Variants in PRAMEF14 observed in about 807,000 individuals in gnomAD.
The protein encoded by PRAMEF14 is PRAME family member 14.
A neutral mutation model predicts 38.3 loss-of-function variants in PRAMEF14; 24 were observed. The ratio of observed to expected loss-of-function variants is 0.63; its 90% CI spans 0.45 to 0.88. The LOEUF (loss-of-function observed/expected upper bound fraction) is 0.88. Among genes scored for constraint, PRAMEF14 ranks in the 40% least tolerant of loss-of-function variants. PRAMEF14 has a pLI of 0.00. For missense variants in PRAMEF14, 477 were observed against 570.8 expected (o/e 0.84, Z 1.67); for synonymous variants, 194 against 226.4 (o/e 0.86, Z 1.29).
chr1:13,344,965 G>C, intron 2 of PRAMEF14, 63 bp downstream of exon 2: 6 of 1,384,766 alleles, frequency 4.3e-6, no homozygotes, highest in Non-Finnish European at 6.0e-6. Flanking sequence ...TTCTCTGCCT[G>C]ACCCTGCTGT....
chr1:13,344,096 G>A lies in PRAMEF14; in HGVS notation c.808C>T (p.Gln270Ter). The stretch of plus-strand genomic sequence containing the variant: ...GTGATCAATTTTATTTTAAGCAACT[G>A]GAGGTGTTCCAGCCTGAGGAACACA... ...SSVFLRLEHL[Q>*]LLKIKLITFF... The change falls in exon 3 of 4, where the codon CAG (glutamine) becomes TAG (stop). Residue 270 changes from glutamine to a stop codon, truncating the protein, a stop_gained. Coordinates refer to ENST00000334600, the MANE Select transcript of PRAMEF14 (RefSeq NM_001024661.2). LOFTEE classifies it high-confidence loss of function. 1.2e-6 allele frequency: 2 copies of A among 1,608,382 alleles called. No homozygotes were observed. Among genetic ancestry groups the A allele is most frequent in the Non-Finnish European group, 1.7e-6 (2 of 1,178,400 alleles).
In PRAMEF14 at chr1:13,343,324, C is replaced by CT. The variant is rs1162125868; in HGVS notation, c.867-239dup. On this transcript the variant is annotated intron_variant, in intron 3 of 3. Transcript: ENST00000334600. ...TTCAAGGCCATAAAATCTCTAAAGC[C>CT]TTTTTTTTTTTTTTTTTCATCTTTT... 6.9e-3 allele frequency among the ~76,000 whole-genome samples: 876 copies of CT among 127,232 alleles called. 13 individuals carry two copies. The highest frequency in any genetic ancestry group is 0.029 in the Middle Eastern group (7 of 238). The allele number at this position is 127,232 out of a possible 152,430, so 83.5% of individuals were successfully genotyped here.
chr1:13,343,101 A>G lies in PRAMEF14; in HGVS notation c.867-15T>C, dbSNP rs1295570861. On this transcript the variant is annotated splice_polypyrimidine_tract_variant and intron_variant, in intron 3 of 3. Coordinates refer to ENST00000334600, the MANE Select transcript of PRAMEF14 (RefSeq NM_001024661.2). ...TCTGGAGGCACCTGTGGAGATCAAG[A>G]AGTTAGTTCTGGGCAATGGTACCAG... The G allele has an allele frequency of 6.2e-7, 1 of 1,607,242 alleles. No homozygotes were observed. The highest frequency in any genetic ancestry group is 8.5e-7 in the Non-Finnish European group (1 of 1,176,198).
chr1:13,343,584 C>A (rs1285668424), intron 3 of PRAMEF14: 1 of 1,313,398 alleles, frequency 7.6e-7, no homozygotes, highest in South Asian at 1.2e-5. Flanking sequence ...TCAAAACAAC[C>A]TTTTACAAAC....
At chr1:13,344,862 C>T in intron 2 of PRAMEF14, 166 bp downstream of exon 2, 1 of 868,890 alleles carries the variant, frequency 1.2e-6, no homozygotes, top group Non-Finnish European at 1.4e-6. Context: ...GTATGGTGAG[C>T]ACTCCTTTCT....
intron 1 of PRAMEF14, among the ~76,000 whole-genome samples, chr1:13,346,008 G>A (rs1188815866): frequency 6.7e-6 from 1 of 150,114 alleles, no homozygotes; most frequent in Non-Finnish European, 1.5e-5. Context: ...GGTCATGCAT[G>A]ACTGTAATCC....
At chr1:13,343,818 T>C (rs2100351853) in intron 3 of PRAMEF14, 3 of 1,480,398 alleles carry the variant, frequency 2.0e-6, no homozygotes, top group South Asian at 2.7e-5. Context: ...TGTCTCTCTC[T>C]AGCTTCTACC....
Position 13,345,458 on chromosome 1 carries a change from T to G in PRAMEF14, c.-25-119A>C, listed in dbSNP as rs1415392992. Reference sequence around the variant, plus strand: ...AGGAGGGAGGGGTCAAGGAGACCACTGGCTTATTAATTTTCATCCTTCATT... The same window carrying G: ...AGGAGGGAGGGGTCAAGGAGACCACGGGCTTATTAATTTTCATCCTTCATT... On this transcript the variant is annotated intron_variant, in intron 1 of 3. Coordinates refer to ENST00000334600, the MANE Select transcript of PRAMEF14 (RefSeq NM_001024661.2). 27 of 1,324,398 alleles carry G rather than the reference T, an allele frequency of 2.0e-5. No individual in the cohort carries two copies. The Middle Eastern group carries it at 8.2e-4, about 40-fold the overall frequency. The allele number at this position is 1,324,398 out of a possible 1,614,324, so 82.0% of individuals were successfully genotyped here.
chr1:13,345,638 C>A lies in PRAMEF14; in HGVS notation c.-25-299G>T, dbSNP rs1640392842. ...GACAGCCTCCATTCTCAGTTCACACCATAAACGTGCTGGGGGAACACTAAA... is the reference window on the plus strand; with the variant it reads ...GACAGCCTCCATTCTCAGTTCACACAATAAACGTGCTGGGGGAACACTAAA... On this transcript the variant is annotated intron_variant, in intron 1 of 3. Transcript: ENST00000334600. 1.0e-4 allele frequency among the ~76,000 whole-genome samples: 15 copies of A among 145,184 alleles called. No homozygotes were observed. In the South Asian group the frequency reaches 3.5e-3, roughly 34 times the overall value.
In PRAMEF14 at chr1:13,342,267, G is replaced by A; in HGVS notation, c.*261C>T. ...CTTCCTTTAAGTTGCATGTGGCCTG[G>A]ACACAGTCACTCATGCCAGTAATCC... is the stretch of plus-strand genomic sequence containing the variant. On this transcript the variant is annotated 3_prime_UTR_variant, in exon 4 of 4. Transcript: ENST00000334600. 1.7e-6 allele frequency: 1 copy of A among 595,660 alleles called. No individual in the cohort carries two copies. The highest frequency in any genetic ancestry group is 2.8e-6 in the Non-Finnish European group (1 of 360,978). 36.9% of individuals were successfully genotyped at this position (595,660 alleles called of 1,614,324 possible). A position where few individuals can be genotyped will look rare whatever the true frequency, so the allele number is the denominator to read the frequency against.
rs4083405 is a variant in PRAMEF14, at chr1:13,345,161, G to C, written c.154C>G (p.Leu52Val). ...GGCCAGGCCTGCACCATCACCGTCA[G>C]AGTCTGGAAGTGTCTCCTGCGGAAG... is the stretch of plus-strand genomic sequence containing the variant. Reference protein sequence around the residue: ...EAFRRRHFQTLTVMVQAWPFT... With the variant: ...EAFRRRHFQTVTVMVQAWPFT... The change falls in exon 2 of 4, where the codon CTG becomes GTG. Residue 52 changes from leucine to valine, a missense_variant. Around this residue, in one of 4 missense-constraint regions of PRAMEF14, gnomAD observed 58 missense variants for 119.9 expected, o/e 0.48. Transcript: ENST00000334600. 6.7e-3 allele frequency: 10,690 copies of C among 1,592,292 alleles called. 291 individuals are homozygous for C. Among genetic ancestry groups the C allele is most frequent in the South Asian group, 0.01 (922 of 89,760 alleles).
At chr1:13,346,304 T>A (rs1441850630) in intron 1 of PRAMEF14, among the ~76,000 whole-genome samples, 152 of 151,492 alleles carry the variant, frequency 1.0e-3, no homozygotes, top group African/African-American at 3.6e-3. Context: ...GGTCAGGAGT[T>A]TGAGGCCAGC....
intron 1 of PRAMEF14, 66 bp from the exon 2 acceptor site, chr1:13,345,405 T>A (rs1179346960): frequency 1.4e-6 from 2 of 1,432,150 alleles, no homozygotes; most frequent in East Asian, 2.5e-5. Context: ...CTTCTACTGG[T>A]ACCAGGAAGA....
At position 13,343,136 on chromosome 1, in the gene PRAMEF14, G is replaced by A. The variant is rs1256882841; in HGVS notation, c.867-50C>T. 5.9e-6 allele frequency: 9 copies of A among 1,530,208 alleles called. No homozygotes were observed. In the African/African-American group the frequency reaches 6.9e-5, roughly 12 times the overall value. 94.8% of individuals were successfully genotyped at this position (1,530,208 alleles called of 1,614,324 possible). A position where few individuals can be genotyped will look rare whatever the true frequency, so the allele number is the denominator to read the frequency against. On this transcript the variant is annotated intron_variant, in intron 3 of 3. Transcript: ENST00000334600. Reference sequence around the variant, plus strand: ...TGGGCAATGGTACCAGTTAGATGAAGGTAGTGCCTTCATCTAGGAAAATGC... The same window carrying A: ...TGGGCAATGGTACCAGTTAGATGAAAGTAGTGCCTTCATCTAGGAAAATGC...
At chr1:13,346,134 C>T (rs1640401172) in intron 1 of PRAMEF14, among the ~76,000 whole-genome samples, 2 of 150,338 alleles carry the variant, frequency 1.3e-5, no homozygotes, top group Admixed American at 1.3e-4. Flanking sequence ...GAGTACATCG[C>T]AGAAAAAAAA....
In PRAMEF14 at chr1:13,343,542, A is replaced by G. The variant is rs1553125435; in HGVS notation, c.867-456T>C. ...TCCCTCACCTCCATCCCAGAAGCAC[A>G]CATTTCCCATGTCAGTTACCTTTCC... On this transcript the variant is annotated intron_variant, in intron 3 of 3. Transcript: ENST00000334600. 1.0e-2 allele frequency: 12,846 copies of G among 1,290,348 alleles called. 1,093 individuals carry two copies. The African/African-American group carries it at 0.15, about 15-fold the overall frequency. 79.9% of individuals were successfully genotyped at this position (1,290,348 alleles called of 1,614,324 possible).
rs1439149622 is a variant in PRAMEF14, at chr1:13,344,221, A to G, written c.683T>C (p.Leu228Pro). The G allele has an allele frequency of 6.8e-6, 11 of 1,608,634 alleles. 1 individual carries two copies. The African/African-American group carries it at 8.0e-5, about 12-fold the overall frequency. Reference protein sequence around the residue: ...PRLIRKLRCYLKEMKNLRKLV... With the variant: ...PRLIRKLRCYPKEMKNLRKLV... ...TTTGCGAAGATTCTTCATCTCCTTC[A>G]GGTAACAACGAAGCTTTCTTATCAG... Residue 228 changes from leucine (L) to proline (P), a missense_variant, in exon 3 of 4, where the codon CTG becomes CCG. By Grantham distance (98) the Leu-to-Pro change is moderately conservative (BLOSUM62 -3). Transcript: ENST00000334600.
rs1213612675 is a variant in PRAMEF14 at position 13,346,861 on chromosome 1, T to C, written c.-26+196A>G. ...ACCTGCTTCGATAAGAATTTTAAAA[T>C]GACAAAAACTAAGCACAAATCACAA... On this transcript the variant is annotated intron_variant, in intron 1 of 3. Coordinates refer to ENST00000334600, the MANE Select transcript of PRAMEF14 (RefSeq NM_001024661.2). Among the ~76,000 whole-genome samples, 112 of 150,214 alleles carry C rather than the reference T, an allele frequency of 7.5e-4. 1 individual carries two copies. In the Middle Eastern group the frequency reaches 0.01, roughly 14 times the overall value.
At chr1:13,344,857 G>T (rs1220653136) in intron 2 of PRAMEF14, 171 bp downstream of exon 2, 1 of 852,910 alleles carries the variant, frequency 1.2e-6, no homozygotes, top group African/African-American at 1.8e-5. Context: ...ACCCTGTATG[G>T]TGAGCACTCC....
Sources: gnomAD v4.1 joint callset for allele counts (sites outside exome capture counted in the v4.1 genomes callset) on GRCh38, gnomAD v4.1.1 for gene constraint, gnomAD v4.1.1 regional missense constraint, MANE v1.5 for transcripts, NCBI Gene and HGNC (gene_info 2026-07-23, HGNC 2026-07-21) for gene names.